The following PLA2G2A variants were observed in gnomAD, a reference collection of about 807,000 sequenced individuals.
PLA2G2A encodes phospholipase A2, membrane associated.
A neutral mutation model predicts 11.2 loss-of-function variants in PLA2G2A; 6 were observed. The observed-to-expected ratio is 0.54, with a 90% CI of 0.29 to 1.06. PLA2G2A has a LOEUF of 1.06. PLA2G2A is among the 50% of genes least tolerant of loss of function. The probability of loss-of-function intolerance (pLI) is 0.08; values close to 1 mark genes in which losing one functional copy is unlikely to be tolerated. For missense variants in PLA2G2A, 133 were observed against 177.1 expected (o/e 0.75, Z 1.41); for synonymous variants, 69 against 65.8 (o/e 1.05, Z -0.23).
chr1:19,978,159 G>T, intron 3 of PLA2G2A, 38 bp from the exon 4 acceptor site: 1 of 1,475,288 alleles, frequency 6.8e-7, no homozygotes, highest in Non-Finnish European at 9.5e-7. Flanking sequence ...TTGTCCCACA[G>T]CTCCAGGAGG....
chr1:19,979,698 T>C (rs904876909), upstream of PLA2G2A: 1 of 152,444 alleles, frequency 6.6e-6, no homozygotes, highest in African/African-American at 2.4e-5. Flanking sequence ...AGGCTGGGGA[T>C]GGGCGTGGTC....
chr1:19,976,827 C>T (rs183706364), intron 4 of PLA2G2A, among the ~76,000 whole-genome samples: 1 of 152,330 alleles, frequency 6.6e-6, no homozygotes, highest in Admixed American at 6.5e-5. Context: ...TCTAATCTGG[C>T]TTTGCCCTCC....
exon 2 of PLA2G2A, chr1:19,978,847 C>T (rs1182524167): frequency 2.7e-5 from 38 of 1,410,180 alleles, no homozygotes; most frequent in South Asian, 1.9e-4. Context: ...ACTTCTGCCC[C>T]GGCCGTCGCT....
At chr1:19,978,299 C>A in intron 3 of PLA2G2A, 81 bp downstream of exon 3, 2 of 1,543,204 alleles carry the variant, frequency 1.3e-6, no homozygotes. Flanking sequence ...CTGCGCCCAT[C>A]AGGAACCGGC....
downstream of PLA2G2A, chr1:19,975,442 C>A: frequency 1.9e-6 from 1 of 528,900 alleles, no homozygotes. Context: ...ACATGATTTG[C>A]TAATTGCTTT....
chr1:19,978,453 C>G, exon 3 of PLA2G2A: 1 of 1,613,646 alleles, frequency 6.2e-7, no homozygotes, highest in Non-Finnish European at 8.5e-7. Flanking sequence ...TAACTGAGTG[C>G]GGCTTCCTTT....
chr1:19,979,056 C>T, intron 1 of PLA2G2A, 177 bp from the exon 2 acceptor site: 2 of 533,196 alleles, frequency 3.8e-6, no homozygotes, highest in Non-Finnish European at 3.4e-6. Flanking sequence ...ACATCAGGCC[C>T]TCAGACCTGT....
At chr1:19,978,173 G>A (rs754028216) in intron 3 of PLA2G2A, 52 bp from the exon 4 acceptor site, 3 of 1,424,478 alleles carry the variant, frequency 2.1e-6, no homozygotes, top group African/African-American at 1.4e-5. Flanking sequence ...CAGGAGGCCT[G>A]GTGCCTGTGG....
intron 4 of PLA2G2A, among the ~76,000 whole-genome samples, chr1:19,977,402 T>G (rs2046235371): frequency 6.6e-6 from 1 of 152,238 alleles, no homozygotes; most frequent in Non-Finnish European, 1.5e-5. Context: ...TTGTTTTATG[T>G]CAAGATGTTA....
chr1:19,978,993 AC>A, intron 1 of PLA2G2A, 114 bp from the exon 2 acceptor site: 1 of 625,922 alleles, frequency 1.6e-6, no homozygotes, highest in Non-Finnish European at 2.9e-6. Flanking sequence ...ACACACACAC[AC>A]ACACACAACC....
downstream of PLA2G2A, chr1:19,975,444 A>C (rs758661229): frequency 1.4e-4 from 76 of 529,772 alleles, no homozygotes; most frequent in Non-Finnish European, 2.4e-4. Context: ...ATGATTTGCT[A>C]ATTGCTTTAT....
rs2046212919 is a variant in PLA2G2A, at chr1:19,975,865, C to A, written c.293-22G>T. 3 of 1,610,222 alleles carry A rather than the reference C, an allele frequency of 1.9e-6. No homozygotes were observed. In the African/African-American group the frequency reaches 4.0e-5, roughly 22 times the overall value. On this transcript the variant is annotated intron_variant, in intron 4 of 4. Coordinates refer to ENST00000482011, the Ensembl canonical transcript of PLA2G2A. ...TTTGCTGAAATCATAAGAAAATAAA[C>A]ACAAGATGGGAGTTTATTAATATTC...
chr1:19,978,993 ACACACAC>A, intron 1 of PLA2G2A, 114 bp from the exon 2 acceptor site: 2 of 625,908 alleles, frequency 3.2e-6, no homozygotes, highest in African/African-American at 1.8e-5. Flanking sequence ...ACACACACAC[ACACACAC>A]AACCACCTCC....
intron 4 of PLA2G2A, 126 bp from the exon 5 acceptor site, chr1:19,975,969 C>T (rs541747023): frequency 2.4e-5 from 19 of 788,022 alleles, no homozygotes; most frequent in South Asian, 1.3e-4. Context: ...CAAACACCTG[C>T]GCTCCAGATA....
chr1:19,978,823 G>A, exon 2 of PLA2G2A: 2 of 1,594,014 alleles, frequency 1.3e-6, no homozygotes, highest in Non-Finnish European at 1.7e-6. Flanking sequence ...TAGCTCCTCT[G>A]CTGGGTGGTC....
upstream of PLA2G2A, among the ~76,000 whole-genome samples, chr1:19,980,087 A>G (rs562897019): frequency 7.2e-5 from 11 of 152,282 alleles, no homozygotes; most frequent in South Asian, 1.9e-3. Context: ...CCGCTCAATC[A>G]TTCATTCACA....
chr1:19,975,734 A>G, exon 5 of PLA2G2A: 3 of 1,613,824 alleles, frequency 1.9e-6, no homozygotes, highest in Non-Finnish European at 2.5e-6. Context: ...TGCAGTGTTT[A>G]TTGGAATAGT....
At chr1:19,975,877 GT>G in intron 4 of PLA2G2A, 34 bp from the exon 5 acceptor site, 18 of 1,601,134 alleles carry the variant, frequency 1.1e-5, no homozygotes, top group Non-Finnish European at 1.5e-5. Flanking sequence ...CAAGATGGGA[GT>G]TTATTAATAT....
intron 4 of PLA2G2A, 147 bp from the exon 5 acceptor site, chr1:19,975,990 A>G: frequency 4.1e-6 from 3 of 725,418 alleles, no homozygotes; most frequent in Non-Finnish European, 7.2e-6. Context: ...TTTCTGACCA[A>G]TGGGGAGACA....
Sources: gnomAD v4.1 joint callset for allele counts (sites outside exome capture counted in the v4.1 genomes callset) on GRCh38, gnomAD v4.1.1 for gene constraint, MANE v1.5 for transcripts, NCBI Gene and HGNC (gene_info 2026-07-23, HGNC 2026-07-21) for gene names.